Variants in PCNT observed in about 807,000 individuals in gnomAD.
PCNT encodes kendrin.
In PCNT, 319 loss-of-function variants were observed where a neutral mutation model predicts 380.4. The ratio of observed to expected loss-of-function variants is 0.84; its 90% confidence interval spans 0.77 to 0.92. The LOEUF (loss-of-function observed/expected upper bound fraction) is 0.92. PCNT is among the 40% of genes least tolerant of loss of function. The probability of loss-of-function intolerance (pLI) is 0.00; values close to 1 mark genes in which losing one functional copy is unlikely to be tolerated. For synonymous variants in PCNT, 1,845 were observed against 1,735.2 expected (o/e 1.06, Z -1.57); for missense variants, 4,400 against 4,255.3 (o/e 1.03, Z -0.95).
intron 18 of PCNT, 52 bp from the exon 19 acceptor site, chr21:46,389,147 G>A (rs1169666185): frequency 1.4e-5 from 22 of 1,561,142 alleles, no homozygotes; most frequent in Non-Finnish European, 1.8e-5. Context: ...TGCCATGGCC[G>A]CGGCCGGCTT....
chr21:46,385,264 G>A (rs550596430), intron 16 of PCNT, among the ~76,000 whole-genome samples: 1 of 152,374 alleles, frequency 6.6e-6, no homozygotes, highest in East Asian at 1.9e-4. Flanking sequence ...GCTGAGGTGG[G>A]AGGATTGTTT....
In PCNT at chr21:46,391,260, G is replaced by A. The variant is rs753266689; in HGVS notation, c.4100G>A (p.Ser1367Asn). Reference sequence around the variant, plus strand: ...CACCGTCTGGTGCTGGAGCTGGAGAGCCTGAGACGGCAGCTGCAGCAGGCG... The same window carrying A: ...CACCGTCTGGTGCTGGAGCTGGAGAACCTGAGACGGCAGCTGCAGCAGGCG... ...SEHRLVLELE[S>N]LRRQLQQAAQ... Residue 1367 changes from serine to asparagine, a missense_variant, in exon 21 of 47, where the codon AGC becomes AAC. By Grantham distance (46) the Ser-to-Asn change is conservative. Coordinates refer to ENST00000359568, the MANE Select transcript of PCNT (RefSeq NM_006031.6). 3.2e-5 allele frequency: 51 copies of A among 1,600,066 alleles called. No homozygotes were observed. Among genetic ancestry groups the A allele is most frequent in the Non-Finnish European group, 4.3e-5 (50 of 1,173,792 alleles).
intron 1 of PCNT, among the ~76,000 whole-genome samples, chr21:46,326,050 G>A (rs1270021217): frequency 6.6e-6 from 1 of 152,142 alleles, no homozygotes; most frequent in Non-Finnish European, 1.5e-5. Context: ...ACTTAAATAT[G>A]CCTTGATTAA....
intron 38 of PCNT, among the ~76,000 whole-genome samples, chr21:46,433,471 A>G (rs2087852008): frequency 6.6e-6 from 1 of 152,068 alleles, no homozygotes; most frequent in African/African-American, 2.4e-5. Context: ...GGTGGTACAG[A>G]CAGTGTGGCC....
At chr21:46,371,502 ACTTT>A (rs1323591078) in intron 15 of PCNT, among the ~76,000 whole-genome samples, 1 of 152,076 alleles carries the variant, frequency 6.6e-6, no homozygotes, top group Non-Finnish European at 1.5e-5. Flanking sequence ...GTAGTTACTT[ACTTT>A]TTCAGTTTTT....
intron 35 of PCNT, among the ~76,000 whole-genome samples, chr21:46,429,715 G>A (rs2087670379): frequency 6.6e-6 from 1 of 152,160 alleles, no homozygotes; most frequent in Non-Finnish European, 1.5e-5. Context: ...TCTGTTGGAG[G>A]CAGTTTAGGG....
chr21:46,427,898 T>G, intron 34 of PCNT, 103 bp downstream of exon 34: 3 of 1,304,676 alleles, frequency 2.3e-6, no homozygotes, highest in Non-Finnish European at 2.2e-6. Flanking sequence ...GGTTTGTGTG[T>G]TTCTCTCGAC....
intron 41 of PCNT, among the ~76,000 whole-genome samples, chr21:46,439,323 C>CTGGCTTTT (rs2053547004): frequency 6.6e-6 from 1 of 152,120 alleles, no homozygotes; most frequent in Admixed American, 6.5e-5. Context: ...ACCTCCTAAA[C>CTGGCTTTT]TGGCTTTTTT....
At chr21:46,431,346 G>A in intron 37 of PCNT, 183 bp from the exon 38 acceptor site, 1 of 1,453,890 alleles carries the variant, frequency 6.9e-7, no homozygotes, top group Non-Finnish European at 9.0e-7. Flanking sequence ...CATCTCCGCA[G>A]TCTGGGTTTT....
At chr21:46,430,475 T>A (rs377209203) in intron 36 of PCNT, 32 bp from the exon 37 acceptor site, 305 of 1,548,962 alleles carry the variant, frequency 2.0e-4, no homozygotes, top group Non-Finnish European at 1.3e-4. Flanking sequence ...CTGGCCCACG[T>A]GGTCAGATTG....
chr21:46,382,998 T>G lies in PCNT; in HGVS notation c.3312+1158T>G, dbSNP rs1465000993. Among the ~76,000 whole-genome samples the G allele has an allele frequency of 3.7e-5, 5 of 133,622 alleles. No individual in the cohort carries two copies. In the East Asian group the frequency reaches 1.0e-3, roughly 27 times the overall value. The allele number at this position is 133,622 out of a possible 152,430, so 87.7% of individuals were successfully genotyped here. On this transcript the variant is annotated intron_variant, in intron 16 of 46. Transcript: ENST00000359568. ...TGTGCATTCAGTGGCGGAAGCCCATTCACGGTGTTGTGCATTCAGTGGCGG... is the reference window on the plus strand; with the variant it reads ...TGTGCATTCAGTGGCGGAAGCCCATGCACGGTGTTGTGCATTCAGTGGCGG...
chr21:46,376,836 C>T (rs2147079977), intron 15 of PCNT, among the ~76,000 whole-genome samples: 1 of 152,326 alleles, frequency 6.6e-6, no homozygotes, highest in South Asian at 2.1e-4. Context: ...AGAAGTTAAT[C>T]TTAAGTCCTT....
chr21:46,377,482 A>G (rs1043432831), intron 15 of PCNT, among the ~76,000 whole-genome samples: 4 of 152,192 alleles, frequency 2.6e-5, no homozygotes, highest in Non-Finnish European at 4.4e-5. Context: ...GCCTTTTTAT[A>G]TTTAAATCTG....
intron 32 of PCNT, among the ~76,000 whole-genome samples, chr21:46,423,924 A>G (rs1057315720): frequency 1.3e-5 from 2 of 152,154 alleles, no homozygotes; most frequent in Admixed American, 1.3e-4. Context: ...TGAAAATCAC[A>G]AGGAGTTTTT....
chr21:46,386,159 C>CG (rs972361412), intron 17 of PCNT, among the ~76,000 whole-genome samples, 176 bp downstream of exon 17: 2 of 152,190 alleles, frequency 1.3e-5, no homozygotes, highest in African/African-American at 4.8e-5. Context: ...TTGTAAGCAC[C>CG]GGGAAGAAAT....
At chr21:46,368,801 G>C (rs898056476) in intron 15 of PCNT, among the ~76,000 whole-genome samples, 2 of 152,220 alleles carry the variant, frequency 1.3e-5, no homozygotes, top group Non-Finnish European at 2.9e-5. Flanking sequence ...TGGTTGTTCT[G>C]GCAGATCAAT....
intron 29 of PCNT, 45 bp downstream of exon 29, chr21:46,413,037 G>C (rs1233731677): frequency 1.9e-6 from 3 of 1,578,914 alleles, no homozygotes; most frequent in Non-Finnish European, 2.6e-6. Context: ...GGAGAGGCTG[G>C]ACACGCGGCA....
At chr21:46,336,237 C>T (rs574959451) in intron 3 of PCNT, among the ~76,000 whole-genome samples, 1 of 151,866 alleles carries the variant, frequency 6.6e-6, no homozygotes, top group African/African-American at 2.4e-5. Flanking sequence ...TTGGCCTCCC[C>T]AAGTGCTGGG....
chr21:46,333,931 G>A (rs2083639592), intron 2 of PCNT, among the ~76,000 whole-genome samples: 1 of 152,056 alleles, frequency 6.6e-6, no homozygotes, highest in East Asian at 1.9e-4. Context: ...AGCTGGCCAG[G>A]TGTGGTGGCT....
Sources: allele counts gnomAD v4.1 joint callset (sites outside exome capture counted in the v4.1 genomes callset), GRCh38; gene constraint gnomAD v4.1.1; transcripts MANE v1.5; gene names NCBI Gene and HGNC (gene_info 2026-07-23, HGNC 2026-07-21).